CTCF: variants seen among roughly 807,000 people sequenced by gnomAD.
CTCF encodes transcriptional repressor CTCF.
A neutral mutation model predicts 72.3 loss-of-function variants in CTCF; 7 were observed. That is an observed-to-expected ratio of 0.10 (90% CI 0.06 to 0.18). CTCF has a LOEUF of 0.18. Ranked by LOEUF, CTCF falls within the 10% of genes least tolerant of loss-of-function variation. The probability of loss-of-function intolerance (pLI) is 1.00; values close to 1 mark genes in which losing one functional copy is unlikely to be tolerated. For missense variants in CTCF, 516 were observed against 949.1 expected (o/e 0.54, Z 6.00); for synonymous variants, 374 against 315.8 (o/e 1.18, Z -1.95).
Position 67,629,746 on chromosome 16 carries a change from CTTTTTTTTTTTTTTTTTTTTT to C in CTCF, c.1837+239_1837+259del, listed in dbSNP as rs71145978. Among the ~76,000 whole-genome samples the C allele has an allele frequency of 4.4e-3, 276 of 63,338 alleles. 15 individuals carry two copies. The highest frequency in any genetic ancestry group is 0.021 in the South Asian group (37 of 1,728). 41.6% of individuals were successfully genotyped at this position (63,338 alleles called of 152,430 possible). A position where few individuals can be genotyped will look rare whatever the true frequency, so the allele number is the denominator to read the frequency against. On this transcript the variant is annotated intron_variant, in intron 10 of 11. Transcript: ENST00000264010. ...TCGTGGCATTCCGCTCATTAATGCC[CTTTTTTTTTTTTTTTTTTTTT>C]TTTTTTTTTTTTTTTTTTTTTTTTT... is the stretch of plus-strand genomic sequence containing the variant.
At chr16:67,619,368 G>A (rs921890842) in intron 5 of CTCF, among the ~76,000 whole-genome samples, 4 of 152,088 alleles carry the variant, frequency 2.6e-5, no homozygotes, top group Admixed American at 2.0e-4. Flanking sequence ...CCTGGGAGGC[G>A]GAGGTTGCAG....
chr16:67,580,772 ATT>A (rs781616750), intron 2 of CTCF, among the ~76,000 whole-genome samples: 97 of 120,144 alleles, frequency 8.1e-4, no homozygotes, highest in Middle Eastern at 4.6e-3. Flanking sequence ...GCCTGGCCAA[ATT>A]TTTTTTTTTT....
intron 2 of CTCF, among the ~76,000 whole-genome samples, chr16:67,595,743 A>G (rs2051803673): frequency 6.6e-6 from 1 of 152,156 alleles, no homozygotes; most frequent in African/African-American, 2.4e-5. Context: ...ATTGGGATGC[A>G]CGTCTCTGAC....
At chr16:67,581,729 C>G (rs1280827017) in intron 2 of CTCF, among the ~76,000 whole-genome samples, 1 of 151,942 alleles carries the variant, frequency 6.6e-6, no homozygotes, top group Non-Finnish European at 1.5e-5. Context: ...TCTAGAACTC[C>G]TGACCTCAGG....
chr16:67,564,732 A>G (rs79148312), intron 1 of CTCF, among the ~76,000 whole-genome samples: 2,952 of 152,322 alleles, frequency 0.019, 43 homozygotes, highest in Non-Finnish European at 0.031. Context: ...GCAGGTGTAT[A>G]ATCGAGCCAG....
chr16:67,587,966 T>C (rs1014559032), intron 2 of CTCF, among the ~76,000 whole-genome samples: 8 of 152,108 alleles, frequency 5.3e-5, no homozygotes, highest in African/African-American at 1.9e-4. Context: ...CAAGCAGTTC[T>C]CCTGACTGAG....
intron 2 of CTCF, among the ~76,000 whole-genome samples, chr16:67,594,742 A>G (rs2051789948): frequency 1.3e-5 from 2 of 152,172 alleles, no homozygotes. Context: ...TTCATCTGAC[A>G]AAGTCAGTGA....
In CTCF at chr16:67,628,303, G is replaced by A. The variant is rs192664823; in HGVS notation, c.1519-67G>A. The A allele has an allele frequency of 3.0e-5, 45 of 1,480,300 alleles. No homozygotes were observed. In the African/African-American group the frequency reaches 3.6e-4, roughly 12 times the overall value. The allele number at this position is 1,480,300 out of a possible 1,614,324, so 91.7% of individuals were successfully genotyped here. ...AGAAATACCTGTTGGCCACATGCAT[G>A]CAGGTGGCAGCTGGGGCAGTAGCCC... is the stretch of plus-strand genomic sequence containing the variant. On this transcript the variant is annotated intron_variant, in intron 8 of 11. Transcript: ENST00000264010.
intron 2 of CTCF, among the ~76,000 whole-genome samples, chr16:67,580,552 GTATT>G (rs1018174110): frequency 1.3e-5 from 2 of 150,778 alleles, no homozygotes; most frequent in African/African-American, 2.4e-5. Flanking sequence ...ATTTATTTAT[GTATT>G]TATTTATTTA....
At position 67,636,722 on chromosome 16, in the gene CTCF, G is replaced by T; in HGVS notation, c.1870G>T (p.Asp624Tyr). The T allele has an allele frequency of 1.2e-6, 2 of 1,609,962 alleles. No homozygotes were observed. The highest frequency in any genetic ancestry group is 1.7e-6 in the Non-Finnish European group (2 of 1,178,078). The stretch of plus-strand genomic sequence containing the variant: ...TGAACCAGATCTGGACGACAATGAG[G>T]ATGAGGAGGAGCCTGCCGTAGAAAT... ...NAEPDLDDNE[D>Y]EEEPAVEIEP... is the part of the protein sequence containing the mutation. Residue 624 changes from aspartate (D) to tyrosine (Y), a missense_variant, in exon 11 of 12, where the codon GAT (aspartate) becomes TAT (tyrosine). This residue lies in a region of CTCF where 157 missense variants were observed against 172.9 expected (regional missense o/e 0.91). Coordinates refer to ENST00000264010, the MANE Select transcript of CTCF (RefSeq NM_006565.4).
At chr16:67,630,414 T>C (rs1484268730) in intron 10 of CTCF, among the ~76,000 whole-genome samples, 1 of 152,248 alleles carries the variant, frequency 6.6e-6, no homozygotes, top group East Asian at 1.9e-4. Context: ...TTGGAGTGTT[T>C]TTTGCCTCTC....
At chr16:67,576,154 A>C (rs1209530971) in intron 2 of CTCF, among the ~76,000 whole-genome samples, 1 of 151,480 alleles carries the variant, frequency 6.6e-6, no homozygotes, top group Admixed American at 6.6e-5. Context: ...AAAAAAAAAA[A>C]AAAAAAAACG....
chr16:67,572,300 T>A (rs1473531193), intron 2 of CTCF, among the ~76,000 whole-genome samples: 2 of 152,200 alleles, frequency 1.3e-5, no homozygotes, highest in Non-Finnish European at 2.9e-5. Flanking sequence ...GCCCTGCAGG[T>A]TCTTTTAGGA....
At chr16:67,565,176 A>T (rs959589089) in intron 1 of CTCF, among the ~76,000 whole-genome samples, 1 of 151,556 alleles carries the variant, frequency 6.6e-6, no homozygotes, top group Non-Finnish European at 1.5e-5. Context: ...TAATTTTTGT[A>T]TTTTTAGTAG....
At chr16:67,615,696 A>C (rs2052123158) in intron 4 of CTCF, 1 of 152,206 alleles carries the variant, frequency 6.6e-6, no homozygotes, top group Non-Finnish European at 1.5e-5. Flanking sequence ...CCACCAGACT[A>C]TACACTTTCA....
At position 67,624,214 on chromosome 16, in the gene CTCF, C is replaced by G. The variant is rs1311334022; in HGVS notation, c.1358-2341C>G. On this transcript the variant is annotated intron_variant, in intron 7 of 11. Transcript: ENST00000264010. ...TTTTATATATATGTATGTCTTCACC[C>G]TCTAGGTTTAACTCTTCTCTCCTTC... Among the ~76,000 whole-genome samples the G allele has an allele frequency of 3.3e-5, 5 of 151,400 alleles. No individual in the cohort carries two copies. The East Asian group carries it at 9.7e-4, about 29-fold the overall frequency.
intron 7 of CTCF, among the ~76,000 whole-genome samples, chr16:67,625,196 G>A (rs561066843): frequency 2.0e-5 from 3 of 151,790 alleles, no homozygotes; most frequent in Admixed American, 6.6e-5. Flanking sequence ...CTAAAGTGCT[G>A]GGATTCTTTT....
At chr16:67,565,097 A>G (rs2051325520) in intron 1 of CTCF, among the ~76,000 whole-genome samples, 1 of 150,766 alleles carries the variant, frequency 6.6e-6, no homozygotes, top group Admixed American at 6.6e-5. Context: ...TGCCTCCCGG[A>G]TTCAAGCAAT....
At chr16:67,625,937 C>T (rs1229208099) in intron 7 of CTCF, among the ~76,000 whole-genome samples, 1 of 151,858 alleles carries the variant, frequency 6.6e-6, no homozygotes, top group Admixed American at 6.6e-5. Flanking sequence ...TTATTCTTCA[C>T]TCTCTACAGT....
Sources: gnomAD v4.1 joint callset for allele counts (sites outside exome capture counted in the v4.1 genomes callset) on GRCh38, gnomAD v4.1.1 for gene constraint, gnomAD v4.1.1 regional missense constraint, MANE v1.5 for transcripts, NCBI Gene and HGNC (gene_info 2026-07-23, HGNC 2026-07-21) for gene names.